Variants in DMXL1 observed in about 807,000 individuals in gnomAD.
The protein encoded by DMXL1 is Dmx like 1, also known as dmX-like protein 1.
In DMXL1, 99 loss-of-function variants were observed where a neutral mutation model predicts 319.2. The observed-to-expected ratio is 0.31, with a 90% CI of 0.26 to 0.37. The LOEUF (loss-of-function observed/expected upper bound fraction) is 0.37, where lower values mean the gene tolerates loss of function less well. Among genes scored for constraint, DMXL1 ranks in the 10% least tolerant of loss-of-function variants. The probability of loss-of-function intolerance (pLI) is 1.00; values close to 1 mark genes in which losing one functional copy is unlikely to be tolerated. For synonymous variants in DMXL1, 1,385 were observed against 1,235.2 expected, an observed-to-expected ratio of 1.12 and a Z score of -2.54; for missense variants, 3,745 against 3,595.6, an observed-to-expected ratio of 1.04 and a Z score of -1.06.
In DMXL1 at chr5:119,110,205, T is replaced by C; in HGVS notation, c.419T>C (p.Leu140Ser). Residue 140 changes from leucine to serine, a missense_variant, in exon 5 of 44, where the codon TTG becomes TCG. Physicochemically the swap from Leu to Ser is moderately radical, Grantham distance 145. Coordinates refer to ENST00000539542, the MANE Select transcript of DMXL1 (RefSeq NM_001290321.3). ...SYLQLWSNTN[L>S]EKPTEDENLN... ...TTGCAACTCTGGTCCAATACTAACTTGGAGAAGCCAACTGAAGATGAAAAT... is the reference window on the plus strand; with the variant it reads ...TTGCAACTCTGGTCCAATACTAACTCGGAGAAGCCAACTGAAGATGAAAAT... 1 of 1,590,760 alleles carries C rather than the reference T, an allele frequency of 6.3e-7. No homozygotes were observed. The highest frequency in any genetic ancestry group is 1.4e-5 in the African/African-American group (1 of 73,440).
At chr5:119,095,733 A>G (rs1013903866) in intron 1 of DMXL1, among the ~76,000 whole-genome samples, 5 of 152,214 alleles carry the variant, frequency 3.3e-5, no homozygotes, top group Middle Eastern at 3.2e-3. Flanking sequence ...TTGAAAGACA[A>G]CTTCTCTTAA....
At chr5:119,092,937 T>C (rs1247641039) in intron 1 of DMXL1, among the ~76,000 whole-genome samples, 2 of 152,250 alleles carry the variant, frequency 1.3e-5, no homozygotes, top group Non-Finnish European at 2.9e-5. Context: ...GTGGCCATTA[T>C]GAATAATGCT....
intron 10 of DMXL1, among the ~76,000 whole-genome samples, chr5:119,130,352 T>A (rs1764579909): frequency 6.6e-6 from 1 of 152,022 alleles, no homozygotes; most frequent in African/African-American, 2.4e-5. Context: ...TTTGTTTGTT[T>A]GTTTTTTTTT....
At chr5:119,156,892 A>G (rs1771206608) in intron 19 of DMXL1, among the ~76,000 whole-genome samples, 1 of 152,036 alleles carries the variant, frequency 6.6e-6, no homozygotes, top group Non-Finnish European at 1.5e-5. Context: ...TTGTTATCTC[A>G]TTATGGCTTT....
chr5:119,169,463 G>A (rs1774122254), intron 23 of DMXL1, among the ~76,000 whole-genome samples: 1 of 152,128 alleles, frequency 6.6e-6, no homozygotes, highest in East Asian at 1.9e-4. Flanking sequence ...TTGAACAATA[G>A]GTAGATGATA....
chr5:119,247,101 G>A lies in DMXL1; in HGVS notation c.9029G>A (p.Gly3010Glu), dbSNP rs551312648. Residue 3010 changes from glycine to glutamate, a missense_variant, in exon 44 of 44, where the codon GGG becomes GAG. Physicochemically the swap from Gly to Glu is moderately conservative, Grantham distance 98. Around this residue, in one of 4 missense-constraint regions of DMXL1, gnomAD observed 262 missense variants for 320.5 expected, o/e 0.82. Coordinates refer to ENST00000539542, the MANE Select transcript of DMXL1 (RefSeq NM_001290321.3). ...ACTGGAGTGATGCAAATTGAGACAGGGCCTGCAAATCACATTTTCTCCTGT... is the reference window on the plus strand; with the variant it reads ...ACTGGAGTGATGCAAATTGAGACAGAGCCTGCAAATCACATTTTCTCCTGT... ...IGTGVMQIETGPANHIFSCGA... is the reference protein window; with the variant it reads ...IGTGVMQIETEPANHIFSCGA... 8.7e-6 allele frequency: 14 copies of A among 1,613,926 alleles called. No individual in the cohort carries two copies. Among genetic ancestry groups the A allele is most frequent in the Admixed American group, 1.7e-5 (1 of 60,008 alleles).
At chr5:119,152,588 A>T (rs945802972) in intron 19 of DMXL1, among the ~76,000 whole-genome samples, 1 of 152,190 alleles carries the variant, frequency 6.6e-6, no homozygotes, top group South Asian at 2.1e-4. Flanking sequence ...CTTACTTTGA[A>T]CTATCTTAGA....
intron 32 of DMXL1, among the ~76,000 whole-genome samples, chr5:119,202,889 A>ATT (rs1316183750): frequency 5.6e-4 from 79 of 141,416 alleles, no homozygotes; most frequent in African/African-American, 1.8e-3. Flanking sequence ...ATATTTTTAT[A>ATT]TATATATATA....
intron 28 of DMXL1, among the ~76,000 whole-genome samples, chr5:119,184,037 C>A (rs1777248419): frequency 6.7e-6 from 1 of 149,860 alleles, no homozygotes; most frequent in South Asian, 2.1e-4. Context: ...GACCTAGACT[C>A]CCTCATTCAA....
At chr5:119,210,725 ATTC>A (rs1445228017) in intron 34 of DMXL1, among the ~76,000 whole-genome samples, 1 of 101,152 alleles carries the variant, frequency 9.9e-6, no homozygotes, top group Non-Finnish European at 2.1e-5. Context: ...CAAATATATT[ATTC>A]TTCTAAGTTC....
chr5:119,195,485 G>T (rs1425961829), intron 30 of DMXL1, among the ~76,000 whole-genome samples: 1 of 152,236 alleles, frequency 6.6e-6, no homozygotes, highest in Non-Finnish European at 1.5e-5. Context: ...TCACAGAAAG[G>T]GTTATAGTAT....
intron 1 of DMXL1, among the ~76,000 whole-genome samples, chr5:119,088,021 C>T (rs1249219565): frequency 6.6e-6 from 1 of 152,108 alleles, no homozygotes; most frequent in African/African-American, 2.4e-5. Context: ...AGACTGGCCT[C>T]GAACTCCTGA....
Position 119,193,883 on chromosome 5 carries a change from G to A in DMXL1, c.7370G>A (p.Gly2457Glu), listed in dbSNP as rs144141883. The A allele has an allele frequency of 6.1e-5, 98 of 1,613,020 alleles. No individual in the cohort carries two copies. In the African/African-American group the frequency reaches 1.2e-3, roughly 20 times the overall value. The change falls in exon 30 of 44, where the codon GGA (glycine) becomes GAA (glutamate). Residue 2457 changes from glycine to glutamate, a missense_variant. By Grantham distance (98) the Gly-to-Glu change is moderately conservative. Transcript: ENST00000539542. ...GAATATGATTCAGAGGAGAGTCTGG[G>A]AAGTGATGATGATGACAATGATGAT... ...RAEYDSEESLGSDDDDNDDDD... is the reference protein window; with the variant it reads ...RAEYDSEESLESDDDDNDDDD...
chr5:119,170,314 A>C lies in DMXL1; in HGVS notation c.5523A>C (p.Thr1841=). The part of the protein sequence containing the change: ...SDTFSTHMSL[T]GKSGLAGTIN... ...CATTTTCCACACATATGAGCCTAAC[A>C]GGAAAAAGTGGACTGGCAGGAACAA... The change falls in exon 24 of 44, where the codon ACA becomes ACC. Residue 1841 remains threonine (T), a synonymous_variant. Transcript: ENST00000539542. The C allele has an allele frequency of 2.5e-6, 4 of 1,614,028 alleles. No individual in the cohort carries two copies. The highest frequency in any genetic ancestry group is 3.4e-6 in the Non-Finnish European group (4 of 1,179,972).
rs3756509 is a variant in DMXL1 at position 119,194,069 on chromosome 5, T to G, written c.7457+99T>G. On this transcript the variant is annotated intron_variant, in intron 30 of 43. Coordinates refer to ENST00000539542, the MANE Select transcript of DMXL1 (RefSeq NM_001290321.3). ...ATGTGAAATTAATAGCTTGTTGACT[T>G]TATAACACATTATAACCCAGATTTC... 254 of 735,766 alleles carry G rather than the reference T, an allele frequency of 3.5e-4. 1 individual carries two copies. The East Asian group carries it at 3.9e-3, about 11-fold the overall frequency. The allele number at this position is 735,766 out of a possible 1,614,324, so 45.6% of individuals were successfully genotyped here.
At chr5:119,191,133 T>C (rs1778631427) in intron 29 of DMXL1, among the ~76,000 whole-genome samples, 1 of 152,226 alleles carries the variant, frequency 6.6e-6, no homozygotes, top group Non-Finnish European at 1.5e-5. Context: ...CACAAAACAT[T>C]TGTAACTTTT....
chr5:119,118,895 A>C lies in DMXL1; in HGVS notation c.824A>C (p.Asp275Ala), dbSNP rs776127486. 6.2e-7 allele frequency: 1 copy of C among 1,613,990 alleles called. No individual in the cohort carries two copies. Among genetic ancestry groups the C allele is most frequent in the Non-Finnish European group, 8.5e-7 (1 of 1,179,908 alleles). ...RLWVETFLPN[D>A]CLLYGGDCSH... ...TGGGTAGAGACATTTTTACCAAATG[A>C]TTGTTTGCTATACGGAGGTGACTGC... The change falls in exon 8 of 44, where the codon GAT becomes GCT. Residue 275 changes from aspartate to alanine, a missense_variant. By Grantham distance (126) the Asp-to-Ala change is moderately radical (BLOSUM62 -2). Transcript: ENST00000539542.
intron 5 of DMXL1, among the ~76,000 whole-genome samples, chr5:119,110,820 T>C (rs1218136866): frequency 1.3e-5 from 2 of 152,132 alleles, no homozygotes; most frequent in East Asian, 3.8e-4. Context: ...ACAGACAGAT[T>C]AGGATCCAGG....
intron 19 of DMXL1, 81 bp from the exon 20 acceptor site, chr5:119,164,426 G>T (rs1772983029): frequency 1.6e-6 from 2 of 1,266,146 alleles, no homozygotes; most frequent in African/African-American, 3.0e-5. Context: ...CATTTATATT[G>T]AAAATATGGA....
Sources: allele counts gnomAD v4.1 joint callset (sites outside exome capture counted in the v4.1 genomes callset), GRCh38; gene constraint gnomAD v4.1.1; regional missense constraint gnomAD v4.1.1; transcripts MANE v1.5; gene names NCBI Gene and HGNC (gene_info 2026-07-23, HGNC 2026-07-21).